The following AGFG2 variants were observed in gnomAD, a reference collection of about 807,000 sequenced individuals.
AGFG2 encodes ArfGAP with FG repeats 2.
A neutral mutation model predicts 48.0 loss-of-function variants in AGFG2; 31 were observed. The ratio of observed to expected loss-of-function variants is 0.65; its 90% CI spans 0.49 to 0.87. AGFG2 has a LOEUF of 0.87. AGFG2 is among the 40% of genes least tolerant of loss of function. The pLI, the probability that AGFG2 is intolerant of heterozygous loss-of-function variation, is 0.00. For missense variants in AGFG2, 599 were observed against 632.6 expected (o/e 0.95, Z 0.57); for synonymous variants, 229 against 260.8 (o/e 0.88, Z 1.18).
chr7:100,556,185 C>T (rs895715263), intron 6 of AGFG2: 2 of 201,348 alleles, frequency 9.9e-6, no homozygotes, highest in East Asian at 2.6e-4. Flanking sequence ...CACAATGGCT[C>T]ACGCCTGCAA....
At chr7:100,545,599 A>G (rs556456591) in intron 1 of AGFG2, among the ~76,000 whole-genome samples, 1 of 152,206 alleles carries the variant, frequency 6.6e-6, no homozygotes, top group Non-Finnish European at 1.5e-5. Context: ...AACTTACTCT[A>G]TTCTGAGAAA....
At chr7:100,546,151 A>C (rs997137955) in intron 1 of AGFG2, among the ~76,000 whole-genome samples, 1 of 151,748 alleles carries the variant, frequency 6.6e-6, no homozygotes, top group Admixed American at 6.6e-5. Context: ...TCATCCTGTC[A>C]CGTCTGCCGC....
rs1222830107 is a variant in AGFG2, at chr7:100,557,284, C to T, written c.877+1549C>T. Among the ~76,000 whole-genome samples, 14 of 151,880 alleles carry T rather than the reference C, an allele frequency of 9.2e-5. No homozygotes were observed. In the East Asian group the frequency reaches 1.7e-3, roughly 19 times the overall value. On this transcript the variant is annotated intron_variant, in intron 6 of 11. Transcript: ENST00000300176. The stretch of plus-strand genomic sequence containing the variant: ...ACTGACCGCATACCCATGAGATTCA[C>T]GAAGCAAAAACTATTAGACACAATC...
intron 1 of AGFG2, among the ~76,000 whole-genome samples, chr7:100,540,252 C>T (rs1011888381): frequency 6.6e-6 from 1 of 152,110 alleles, no homozygotes; most frequent in African/African-American, 2.4e-5. Context: ...GAAGGTAAAA[C>T]TCTTACGAAA....
In AGFG2 at chr7:100,550,265, C is replaced by G; in HGVS notation, c.316-131C>G. ...GAGGTTGCAGTGAGCTGAGATCGTG[C>G]CACTGCACTCCAGCCCGGCGACAGA... On this transcript the variant is annotated intron_variant, in intron 2 of 11. Coordinates refer to ENST00000300176, the MANE Select transcript of AGFG2 (RefSeq NM_006076.5). 8.2e-6 allele frequency: 5 copies of G among 612,294 alleles called. No homozygotes were observed. In the South Asian group the frequency reaches 9.6e-5, roughly 12 times the overall value. The allele number at this position is 612,294 out of a possible 1,614,324, so 37.9% of individuals were successfully genotyped here.
chr7:100,547,121 C>T (rs559840052), intron 1 of AGFG2, among the ~76,000 whole-genome samples: 2 of 152,056 alleles, frequency 1.3e-5, no homozygotes, highest in Non-Finnish European at 2.9e-5. Flanking sequence ...GCAGGGTGGC[C>T]GCCCTTACTG....
chr7:100,553,230 G>A, intron 3 of AGFG2, 117 bp from the exon 4 acceptor site: 1 of 1,289,796 alleles, frequency 7.8e-7, no homozygotes, highest in Non-Finnish European at 1.1e-6. Flanking sequence ...TCAAAAAAGG[G>A]AATCAGTAGA....
chr7:100,547,067 G>A (rs1043715380), intron 1 of AGFG2, among the ~76,000 whole-genome samples: 1 of 152,144 alleles, frequency 6.6e-6, no homozygotes, highest in African/African-American at 2.4e-5. Flanking sequence ...AGCCTCCAGT[G>A]TCCTGTCCTT....
intron 1 of AGFG2, 70 bp from the exon 2 acceptor site, chr7:100,548,752 C>T: frequency 1.7e-6 from 2 of 1,209,624 alleles, no homozygotes; most frequent in African/African-American, 1.5e-5. Context: ...CCCTCCTCCT[C>T]CTCCTCCCAT....
At chr7:100,550,372 C>T (rs1167948531) in intron 2 of AGFG2, 24 bp from the exon 3 acceptor site, 5 of 1,530,212 alleles carry the variant, frequency 3.3e-6, no homozygotes, top group East Asian at 4.5e-5. Context: ...TGCTCCCACT[C>T]CTCTGACACC....
chr7:100,564,939 C>G lies in AGFG2; in HGVS notation c.1394C>G (p.Pro465Arg). 1 of 1,614,120 alleles carries G rather than the reference C, an allele frequency of 6.2e-7. No homozygotes were observed. The highest frequency in any genetic ancestry group is 8.5e-7 in the Non-Finnish European group (1 of 1,179,968). Residue 465 changes from proline to arginine, a missense_variant, in exon 12 of 12, where the codon CCC becomes CGC. Pro to Arg is a moderately radical substitution (Grantham distance 103). Transcript: ENST00000300176. ...ATTGTTCTTTCTTTCCAGACTGGAC[C>G]CTCATCAAGCCCATTCGCCTCCAAA... ...GISTNPFMTG[P>R]SSSPFASKPP...
rs1207902181 is a variant in AGFG2 at position 100,550,521 on chromosome 7, AGGAAAGAGGTTGCTAT to A, written c.431+16_431+31del. On this transcript the variant is annotated intron_variant, in intron 3 of 11. Coordinates refer to ENST00000300176, the MANE Select transcript of AGFG2 (RefSeq NM_006076.5). Reference sequence around the variant, plus strand: ...ATGAGAAGAAGAGATGGTAAGGAGTAGGAAAGAGGTTGCTATGGAAACGTGTTCAAGACATTCTTCA... The same window carrying A: ...ATGAGAAGAAGAGATGGTAAGGAGTAGGAAACGTGTTCAAGACATTCTTCA... The A allele has an allele frequency of 1.8e-5, 29 of 1,590,408 alleles. No individual in the cohort carries two copies. The highest frequency in any genetic ancestry group is 2.2e-5 in the Non-Finnish European group (26 of 1,159,388).
chr7:100,555,032 C>T (rs1162988901), intron 5 of AGFG2, among the ~76,000 whole-genome samples: 1 of 151,508 alleles, frequency 6.6e-6, no homozygotes. Flanking sequence ...ATGTTAATGC[C>T]TCATGGAGTA....
chr7:100,539,470 G>A lies in AGFG2; in HGVS notation c.124G>A (p.Ala42Thr). The change falls in exon 1 of 12, where the codon GCC (alanine) becomes ACC (threonine). Residue 42 changes from alanine to threonine, a missense_variant. Ala to Thr is a moderately conservative substitution (Grantham distance 58). Transcript: ENST00000300176. ...GCGGGAGCTGGGTGGCTGCAGCCAG[G>A]CCGGGAACCGCCACTGCTTCGAGTG... Reference protein sequence around the residue: ...RVRELGGCSQAGNRHCFECAQ... With the variant: ...RVRELGGCSQTGNRHCFECAQ... 7.6e-7 allele frequency: 1 copy of A among 1,318,534 alleles called. No homozygotes were observed. The highest frequency in any genetic ancestry group is 9.7e-7 in the Non-Finnish European group (1 of 1,029,256). The allele number at this position is 1,318,534 out of a possible 1,614,324, so 81.7% of individuals were successfully genotyped here.
In AGFG2 at chr7:100,562,269, G is replaced by C. The variant is rs750302262; in HGVS notation, c.888G>C (p.Gln296His). The change falls in exon 7 of 12, where the codon CAG (glutamine) becomes CAC (histidine). Residue 296 changes from glutamine (Q) to histidine (H), a missense_variant. Physicochemically the swap from Gln to His is conservative, Grantham distance 24. Transcript: ENST00000300176. This position sits in a 1 kb window ranked among gnomAD's most constrained non-coding sequence, Gnocchi z 5.4. Reference sequence around the variant, plus strand: ...TCCACAACTGCCCAGGGAGCAGCCAGGGGACTCCATTTGGTGCCACTCCCC... The same window carrying C: ...TCCACAACTGCCCAGGGAGCAGCCACGGGACTCCATTTGGTGCCACTCCCC... Reference protein sequence around the residue: ...QAQPTPAGSSQGTPFGATPLA... With the variant: ...QAQPTPAGSSHGTPFGATPLA... 1 of 1,613,796 alleles carries C rather than the reference G, an allele frequency of 6.2e-7. No homozygotes were observed. The highest frequency in any genetic ancestry group is 1.7e-5 in the Admixed American group (1 of 60,008).
At chr7:100,543,781 G>A (rs1800465532) in intron 1 of AGFG2, among the ~76,000 whole-genome samples, 1 of 152,182 alleles carries the variant, frequency 6.6e-6, no homozygotes, top group Admixed American at 6.5e-5. Context: ...GTGAGGGGTT[G>A]AGAGAAAGGC....
At chr7:100,549,376 C>T (rs1188385594) in intron 2 of AGFG2, among the ~76,000 whole-genome samples, 1 of 152,146 alleles carries the variant, frequency 6.6e-6, no homozygotes, top group Non-Finnish European at 1.5e-5. Flanking sequence ...TTAGCAGTAC[C>T]CCAGCTTATG....
chr7:100,563,019 C>T, intron 9 of AGFG2, 73 bp downstream of exon 9: 1 of 1,406,292 alleles, frequency 7.1e-7, no homozygotes, highest in Non-Finnish European at 9.9e-7. Context: ...GCAGCCTCTC[C>T]CTTAACCCTT....
chr7:100,541,010 C>CA (rs11353093), intron 1 of AGFG2, among the ~76,000 whole-genome samples: 1,819 of 75,294 alleles, frequency 0.024, 36 homozygotes, highest in Non-Finnish European at 0.029. Flanking sequence ...GACACTGTCT[C>CA]AAAAAAAAAA....
Sources: gnomAD v4.1 joint callset for allele counts (sites outside exome capture counted in the v4.1 genomes callset) on GRCh38, gnomAD v4.1.1 for gene constraint, Gnocchi (gnomAD v3.1) non-coding constraint, MANE v1.5 for transcripts, NCBI Gene and HGNC (gene_info 2026-07-23, HGNC 2026-07-21) for gene names.